The following RHOBTB2 variants were observed in gnomAD, a reference collection of about 807,000 sequenced individuals.
The protein encoded by RHOBTB2 is Rho related BTB domain containing 2.
Under a neutral mutation model 66.5 loss-of-function variants are expected in RHOBTB2, and 39 were observed. That is an observed-to-expected ratio of 0.59 (90% confidence interval 0.45 to 0.77). The LOEUF (loss-of-function observed/expected upper bound fraction) is 0.77, where lower values mean the gene tolerates loss of function less well. Ranked by LOEUF, RHOBTB2 falls within the 30% of genes least tolerant of loss-of-function variation. The probability of loss-of-function intolerance (pLI) is 0.00; values close to 1 mark genes in which losing one functional copy is unlikely to be tolerated. For synonymous variants in RHOBTB2, 390 were observed against 395.0 expected, an observed-to-expected ratio of 0.99 and a Z score of 0.15; for missense variants, 755 against 999.1, an observed-to-expected ratio of 0.76 and a Z score of 3.29.
At chr8:22,999,502 T>TC, upstream of RHOBTB2, 2 of 537,448 alleles carry the variant, frequency 3.7e-6, no homozygotes, top group Non-Finnish European at 5.0e-6. Context: ...GCCCGCCCCC[T>TC]CCCCGCCCCC....
chr8:23,007,878 G>T, intron 5 of RHOBTB2, 115 bp from the exon 6 acceptor site: 1 of 1,485,932 alleles, frequency 6.7e-7, no homozygotes. Flanking sequence ...AGCTGGGAGC[G>T]GGTTTGTTCC....
upstream of RHOBTB2, among the ~76,000 whole-genome samples, chr8:22,995,565 C>G (rs1344434324): frequency 6.6e-6 from 1 of 152,204 alleles, no homozygotes; most frequent in African/African-American, 2.4e-5. Context: ...GACTGAAGAA[C>G]TGCTTGTGCA....
At chr8:22,955,985 G>A in the RHOBTB2 span, among the ~76,000 whole-genome samples, 1 of 152,154 alleles carries the variant, frequency 6.6e-6, no homozygotes, top group Non-Finnish European at 1.5e-5. Flanking sequence ...AATGGAGACG[G>A]GCACTAAGGA....
chr8:22,992,892 A>G (rs2466188), intron 2 of RHOBTB2, among the ~76,000 whole-genome samples: 130,426 of 152,224 alleles, frequency 0.86, 55,998 homozygotes, highest in East Asian at 0.95. Context: ...TGGGCACAGG[A>G]GTCTGCATGC....
In RHOBTB2 at chr8:22,999,873, A is replaced by C; in HGVS notation, c.-243A>C. 7 of 984,974 alleles carry C rather than the reference A, an allele frequency of 7.1e-6. No individual in the cohort carries two copies. The highest frequency in any genetic ancestry group is 8.4e-6 in the Non-Finnish European group (7 of 829,810). The allele number at this position is 984,974 out of a possible 1,614,324, so 61.0% of individuals were successfully genotyped here. ...CTGATCCGGAAGGGGCAGCGGCTGC[A>C]GTGCAGCGCGCGCGTCCGCTCCTGG... is the stretch of plus-strand genomic sequence containing the variant. On this transcript the variant is annotated 5_prime_UTR_variant, in exon 1 of 10. Transcript: ENST00000251822.
At chr8:22,966,279 G>C in the RHOBTB2 span, among the ~76,000 whole-genome samples, 1 of 152,106 alleles carries the variant, frequency 6.6e-6, no homozygotes, top group Non-Finnish European at 1.5e-5. Context: ...CTTGAACTCA[G>C]GAGGTGGAAG....
At chr8:22,958,100 T>C in the RHOBTB2 span, among the ~76,000 whole-genome samples, 1 of 152,372 alleles carries the variant, frequency 6.6e-6, no homozygotes. Flanking sequence ...GCTTTCAATA[T>C]TTAACTTTAC....
Position 23,006,184 on chromosome 8 carries a change from G to T in RHOBTB2, c.482+39G>T. The T allele has an allele frequency of 1.3e-6, 2 of 1,560,990 alleles. No individual in the cohort carries two copies. Among genetic ancestry groups the T allele is most frequent in the African/African-American group, 1.4e-5 (1 of 74,052 alleles). The stretch of plus-strand genomic sequence containing the variant: ...GTACCAAGGAGACAGACATGGATGG[G>T]TGCCTCACCATGGCTCCCTGCTCAG... On this transcript the variant is annotated intron_variant, in intron 4 of 9. Coordinates refer to ENST00000251822, the MANE Select transcript of RHOBTB2 (RefSeq NM_015178.3). The surrounding 1 kb of genome is among the most constrained non-coding windows in gnomAD (Gnocchi z 6.1).
intron 8 of RHOBTB2, 34 bp downstream of exon 8, chr8:23,014,812 T>C (rs978537585): frequency 2.1e-5 from 33 of 1,545,876 alleles, no homozygotes; most frequent in Non-Finnish European, 2.9e-5. Flanking sequence ...TACAACAGTC[T>C]CAGTTCTACA....
Position 23,017,733 on chromosome 8 carries a change from AT to A in RHOBTB2, c.*268del. 3.9e-6 allele frequency: 2 copies of A among 507,286 alleles called. No individual in the cohort carries two copies. The highest frequency in any genetic ancestry group is 6.5e-5 in the Admixed American group (2 of 30,900). 31.4% of individuals were successfully genotyped at this position (507,286 alleles called of 1,614,324 possible). A position where few individuals can be genotyped will look rare whatever the true frequency, so the allele number is the denominator to read the frequency against. On this transcript the variant is annotated 3_prime_UTR_variant, in exon 10 of 10. Transcript: ENST00000251822. The surrounding 1 kb of genome is among the most constrained non-coding windows in gnomAD (Gnocchi z 5.3). The stretch of plus-strand genomic sequence containing the variant: ...GCTTGGAGGAGCGAAGAGCCCTGGC[AT>A]TTTATCTCTGGGTTTGAGAGCCCTA...
At chr8:23,003,412 C>G (rs560964754) in intron 1 of RHOBTB2, among the ~76,000 whole-genome samples, 1 of 152,360 alleles carries the variant, frequency 6.6e-6, no homozygotes, top group South Asian at 2.1e-4. Flanking sequence ...AATTCAGGCT[C>G]AAATTTCTGA....
intron 5 of RHOBTB2, 66 bp downstream of exon 5, chr8:23,007,812 C>A: frequency 6.4e-7 from 1 of 1,570,876 alleles, no homozygotes; most frequent in South Asian, 1.1e-5. Context: ...CTGTCTGTCT[C>A]AGCTCCTGGT....
At chr8:22,991,191 G>T (rs1422568229) in intron 1 of RHOBTB2, among the ~76,000 whole-genome samples, 7 of 152,130 alleles carry the variant, frequency 4.6e-5, no homozygotes, top group Non-Finnish European at 8.8e-5. Context: ...GCTGCCCTGT[G>T]GGCTTCTCAT....
Position 23,015,680 on chromosome 8 carries a change from A to T in RHOBTB2, c.1903A>T (p.Ile635Phe). 1 of 1,613,968 alleles carries T rather than the reference A, an allele frequency of 6.2e-7. No individual in the cohort carries two copies. Among genetic ancestry groups the T allele is most frequent in the Non-Finnish European group, 8.5e-7 (1 of 1,179,928 alleles). The change falls in exon 9 of 10, where the codon ATC (isoleucine) becomes TTC (phenylalanine). Residue 635 changes from isoleucine to phenylalanine, a missense_variant. By Grantham distance (21) the Ile-to-Phe change is conservative. Transcript: ENST00000251822. ...YQLADWCLHHICTNYNNVCRK... is the reference protein window; with the variant it reads ...YQLADWCLHHFCTNYNNVCRK... ...GCTGGCCGACTGGTGTCTCCACCAC[A>T]TCTGCACCAACTACAACAACGTGTG...
upstream of RHOBTB2, among the ~76,000 whole-genome samples, chr8:22,986,818 A>G (rs555214390): frequency 3.7e-4 from 56 of 152,310 alleles, no homozygotes; most frequent in African/African-American, 1.3e-3. Context: ...TAGATTTTAC[A>G]CTAGATCAGT....
At chr8:22,978,511 A>C in the RHOBTB2 span, among the ~76,000 whole-genome samples, 2 of 150,968 alleles carry the variant, frequency 1.3e-5, no homozygotes, top group Admixed American at 1.3e-4. Flanking sequence ...AAAAAAACAA[A>C]AAAAACCCCA....
chr8:22,995,636 A>T (rs563716714), upstream of RHOBTB2, among the ~76,000 whole-genome samples: 1 of 152,232 alleles, frequency 6.6e-6, no homozygotes, highest in Non-Finnish European at 1.5e-5. Flanking sequence ...AGGCCTGGAC[A>T]GGGAGGCTGA....
upstream of RHOBTB2, among the ~76,000 whole-genome samples, chr8:22,996,462 G>A (rs1810559618): frequency 6.7e-6 from 1 of 150,292 alleles, no homozygotes; most frequent in South Asian, 2.1e-4. Context: ...TCACACCAGT[G>A]TTTCCAAGCT....
the RHOBTB2 span, among the ~76,000 whole-genome samples, chr8:22,958,802 GAAAAA>G: frequency 3.1e-4 from 16 of 52,178 alleles, no homozygotes; most frequent in African/African-American, 9.1e-4. Context: ...GCCCCTCTCT[GAAAAA>G]AAAAAAAAAA....
Sources: allele counts gnomAD v4.1 joint callset (sites outside exome capture counted in the v4.1 genomes callset), GRCh38; gene constraint gnomAD v4.1.1; non-coding constraint Gnocchi (gnomAD v3.1); transcripts MANE v1.5; gene names NCBI Gene and HGNC (gene_info 2026-07-23, HGNC 2026-07-21).